DRC11: variants seen among roughly 807,000 people sequenced by gnomAD.
DRC11 encodes the protein IQ and AAA domain-containing protein 1.
the DRC11 span, among the ~76,000 whole-genome samples, chr2:236,344,949 A>C: frequency 1.7e-5 from 2 of 116,720 alleles, no homozygotes; most frequent in African/African-American, 6.7e-5. Context: ...CTGGTTGTAA[A>C]TGTGCTTCCC....
chr2:236,316,701 G>A, the DRC11 span, among the ~76,000 whole-genome samples: 1 of 152,206 alleles, frequency 6.6e-6, no homozygotes, highest in African/African-American at 2.4e-5. This position sits in a 1 kb window ranked among gnomAD's most constrained non-coding sequence, Gnocchi z 6.8. Flanking sequence ...TTAGGAAAGA[G>A]GAAATTAAAA....
the DRC11 span, among the ~76,000 whole-genome samples, chr2:236,419,644 C>T: frequency 6.6e-6 from 1 of 152,194 alleles, no homozygotes; most frequent in East Asian, 1.9e-4. The surrounding 1 kb of genome is among the most constrained non-coding windows in gnomAD (Gnocchi z 4.8). Flanking sequence ...TCGTCAAAAT[C>T]CAGGGGGAGG....
At chr2:236,319,253 GC>G in the DRC11 span, among the ~76,000 whole-genome samples, 1 of 152,224 alleles carries the variant, frequency 6.6e-6, no homozygotes, top group African/African-American at 2.4e-5. The surrounding 1 kb of genome is among the most constrained non-coding windows in gnomAD (Gnocchi z 6.7). Flanking sequence ...CTGAGAATGT[GC>G]CCTCGTGCCA....
At chr2:236,404,801 A>ATAG in the DRC11 span, among the ~76,000 whole-genome samples, 1 of 152,240 alleles carries the variant, frequency 6.6e-6, no homozygotes, top group Non-Finnish European at 1.5e-5. Flanking sequence ...CTATAAGAAA[A>ATAG]TAGTATACAC....
chr2:236,325,270 C>T, the DRC11 span, among the ~76,000 whole-genome samples: 1 of 152,126 alleles, frequency 6.6e-6, no homozygotes, highest in Admixed American at 6.5e-5. The surrounding 1 kb of genome is among the most constrained non-coding windows in gnomAD (Gnocchi z 4.4). Context: ...TTTTTCTCAA[C>T]CTTTGCGTTT....
chr2:236,492,763 A>C, the DRC11 span, among the ~76,000 whole-genome samples: 6 of 152,122 alleles, frequency 3.9e-5, no homozygotes, highest in Non-Finnish European at 8.8e-5. Context: ...ACTCCCCACC[A>C]GTAGGCTGCA....
the DRC11 span, among the ~76,000 whole-genome samples, chr2:236,455,877 C>T: frequency 3.3e-5 from 5 of 152,078 alleles, no homozygotes; most frequent in South Asian, 2.1e-4. This position sits in a 1 kb window ranked among gnomAD's most constrained non-coding sequence, Gnocchi z 5.7. Context: ...AAGCACATTG[C>T]GTGCTGTTTT....
chr2:236,440,876 A>G, the DRC11 span, among the ~76,000 whole-genome samples: 1 of 152,258 alleles, frequency 6.6e-6, no homozygotes, highest in East Asian at 1.9e-4. Context: ...CTCATTTTGA[A>G]TAAATATGAA....
At chr2:236,413,935 T>C in the DRC11 span, among the ~76,000 whole-genome samples, 2 of 152,204 alleles carry the variant, frequency 1.3e-5, no homozygotes, top group African/African-American at 4.8e-5. The surrounding 1 kb of genome is among the most constrained non-coding windows in gnomAD (Gnocchi z 4.0). Context: ...GCGATTACTT[T>C]GGTATTGAAA....
At chr2:236,411,086 A>C in the DRC11 span, among the ~76,000 whole-genome samples, 1 of 144,578 alleles carries the variant, frequency 6.9e-6, no homozygotes, top group Non-Finnish European at 1.5e-5. Flanking sequence ...CAGCAAAAGA[A>C]ACTACCACCA....
At chr2:236,417,142 T>A in the DRC11 span, among the ~76,000 whole-genome samples, 1 of 152,168 alleles carries the variant, frequency 6.6e-6, no homozygotes, top group African/African-American at 2.4e-5. Flanking sequence ...AGTGCTGGGA[T>A]TACAGGCGTG....
chr2:236,447,832 G>A, the DRC11 span, among the ~76,000 whole-genome samples: 37 of 151,620 alleles, frequency 2.4e-4, no homozygotes, highest in African/African-American at 7.3e-4. The surrounding 1 kb of genome is among the most constrained non-coding windows in gnomAD (Gnocchi z 4.6). Flanking sequence ...TCGAGGAGTC[G>A]GCTTGGACCT....
At chr2:236,412,102 C>T in the DRC11 span, among the ~76,000 whole-genome samples, 6 of 152,158 alleles carry the variant, frequency 3.9e-5, no homozygotes, top group African/African-American at 1.4e-4. Flanking sequence ...CCCTATGTTG[C>T]CCAGGCTGGT....
the DRC11 span, among the ~76,000 whole-genome samples, chr2:236,491,404 A>T: frequency 1.3e-5 from 2 of 150,964 alleles, no homozygotes; most frequent in African/African-American, 4.9e-5. Flanking sequence ...GGTGGAGATG[A>T]AGTACTTAAC....
the DRC11 span, chr2:236,440,991 G>T: frequency 8.7e-7 from 1 of 1,145,972 alleles, no homozygotes; most frequent in East Asian, 2.6e-5. Flanking sequence ...AAAGTTTAAA[G>T]AAATGTCATT....
At chr2:236,423,305 G>C in the DRC11 span, among the ~76,000 whole-genome samples, 1 of 151,824 alleles carries the variant, frequency 6.6e-6, no homozygotes, top group Non-Finnish European at 1.5e-5. Context: ...CTACTCATCT[G>C]ACAAAGGGCT....
At chr2:236,404,161 T>TAA in the DRC11 span, among the ~76,000 whole-genome samples, 31 of 91,542 alleles carry the variant, frequency 3.4e-4, no homozygotes, top group South Asian at 5.0e-3. Context: ...AATGGAGAGT[T>TAA]AAAAAAAAAA....
chr2:236,306,905 A>G, the DRC11 span, among the ~76,000 whole-genome samples: 1 of 152,198 alleles, frequency 6.6e-6, no homozygotes, highest in Non-Finnish European at 1.5e-5. This position sits in a 1 kb window ranked among gnomAD's most constrained non-coding sequence, Gnocchi z 5.9. Context: ...AAATTATCAC[A>G]GAGGCTAAAA....
the DRC11 span, among the ~76,000 whole-genome samples, chr2:236,425,620 C>G: frequency 6.6e-6 from 1 of 151,976 alleles, no homozygotes; most frequent in African/African-American, 2.4e-5. Flanking sequence ...CCTTGCTGTG[C>G]AGAAGTTTTT....
Sources: allele counts gnomAD v4.1 joint callset (sites outside exome capture counted in the v4.1 genomes callset), GRCh38; gene constraint gnomAD v4.1.1; non-coding constraint Gnocchi (gnomAD v3.1); transcripts MANE v1.5; gene names NCBI Gene and HGNC (gene_info 2026-07-23, HGNC 2026-07-21).